Variants in DDAH1 observed in about 807,000 individuals in gnomAD.
DDAH1 encodes dimethylarginine dimethylaminohydrolase 1, also known as N(G),N(G)-dimethylarginine dimethylaminohydrolase 1.
In DDAH1, 19 loss-of-function variants were observed where a neutral mutation model predicts 28.8. The observed-to-expected ratio is 0.66, with a 90% CI of 0.46 to 0.97. The LOEUF (loss-of-function observed/expected upper bound fraction) is 0.97. Ranked by LOEUF, DDAH1 falls within the 50% of genes least tolerant of loss-of-function variation. The pLI, the probability that DDAH1 is intolerant of heterozygous loss-of-function variation, is 0.00. For synonymous variants in DDAH1, 153 were observed against 154.4 expected, an observed-to-expected ratio of 0.99 and a Z score of 0.07; for missense variants, 326 against 375.9, an observed-to-expected ratio of 0.87 and a Z score of 1.10.
chr1:85,380,993 T>C (rs1650954189), intron 1 of DDAH1, among the ~76,000 whole-genome samples: 1 of 152,072 alleles, frequency 6.6e-6, no homozygotes, highest in African/African-American at 2.4e-5. Flanking sequence ...TCCCAGCACT[T>C]TGGGAGGCCA....
intron 1 of DDAH1, among the ~76,000 whole-genome samples, chr1:85,527,324 G>A (rs565150751): frequency 6.7e-6 from 1 of 148,532 alleles, no homozygotes. Flanking sequence ...TTGTGCAGCG[G>A]TCTGGTCTCT....
chr1:85,426,856 G>A (rs1189302912), intron 1 of DDAH1, among the ~76,000 whole-genome samples: 1 of 141,940 alleles, frequency 7.0e-6, no homozygotes, highest in African/African-American at 2.6e-5. Flanking sequence ...AGGCTGCAGT[G>A]AGCCATAATG....
chr1:85,472,817 T>A (rs1345132285), intron 2 of DDAH1, among the ~76,000 whole-genome samples: 1 of 152,152 alleles, frequency 6.6e-6, no homozygotes, highest in African/African-American at 2.4e-5. Context: ...GAACCCATCA[T>A]CCAAGTAGTG....
intron 1 of DDAH1, among the ~76,000 whole-genome samples, chr1:85,537,379 C>T (rs1368370702): frequency 1.3e-5 from 2 of 150,612 alleles, no homozygotes; most frequent in Non-Finnish European, 3.0e-5. Context: ...CATGCAACAA[C>T]ATGAATGAAC....
At chr1:85,409,322 G>C (rs1557595096) in intron 1 of DDAH1, among the ~76,000 whole-genome samples, 1 of 152,132 alleles carries the variant, frequency 6.6e-6, no homozygotes, top group African/African-American at 2.4e-5. Flanking sequence ...CTAGTGTCTT[G>C]AACTGCTAAT....
chr1:85,372,493 A>T (rs1164255405), intron 1 of DDAH1, among the ~76,000 whole-genome samples: 1 of 152,176 alleles, frequency 6.6e-6, no homozygotes, highest in Non-Finnish European at 1.5e-5. Flanking sequence ...ACCAAGGAAA[A>T]CTAATTATCA....
In DDAH1 at chr1:85,574,885, C is replaced by T. The variant is rs866812345; in HGVS notation, c.-123+3099G>A. ...ACATGGTGAAAACCCATCTCTCTCT[C>T]TCTCTCTATATATATATATATGTAA... On this transcript the variant is annotated intron_variant, in intron 1 of 6. Transcript: ENST00000426972. Among the ~76,000 whole-genome samples the T allele has an allele frequency of 2.6e-5, 4 of 151,768 alleles. No homozygotes were observed. In the East Asian group the frequency reaches 7.8e-4, roughly 30 times the overall value.
At chr1:85,342,733 T>G (rs1298152642) in intron 4 of DDAH1, among the ~76,000 whole-genome samples, 1 of 152,194 alleles carries the variant, frequency 6.6e-6, no homozygotes, top group Non-Finnish European at 1.5e-5. Context: ...CTTCTTCAGG[T>G]GCACATTATT....
chr1:85,445,765 C>G (rs374789149), intron 1 of DDAH1, among the ~76,000 whole-genome samples: 6 of 152,184 alleles, frequency 3.9e-5, no homozygotes. Context: ...TACCACAATT[C>G]CCAGATAATT....
At chr1:85,563,135 C>T (rs140083865) in intron 1 of DDAH1, among the ~76,000 whole-genome samples, 494 of 152,232 alleles carry the variant, frequency 3.2e-3, no homozygotes, top group African/African-American at 0.012. Flanking sequence ...CTAGCAGTCT[C>T]CCTGGGTTGA....
chr1:85,332,544 C>T (rs1229221647), intron 4 of DDAH1, among the ~76,000 whole-genome samples: 1 of 152,190 alleles, frequency 6.6e-6, no homozygotes, highest in Non-Finnish European at 1.5e-5. Context: ...CCTTGTTCAC[C>T]ACAGCCTGGG....
At chr1:85,545,854 G>A (rs1658606584) in intron 1 of DDAH1, among the ~76,000 whole-genome samples, 1 of 152,080 alleles carries the variant, frequency 6.6e-6, no homozygotes, top group South Asian at 2.1e-4. Context: ...TTCTGAGGAG[G>A]CAAAAGTCTA....
intron 4 of DDAH1, among the ~76,000 whole-genome samples, chr1:85,337,940 G>A (rs1010803260): frequency 3.9e-5 from 6 of 152,168 alleles, no homozygotes; most frequent in African/African-American, 1.4e-4. Flanking sequence ...ATCCACACCA[G>A]TCACCGAACT....
At chr1:85,520,153 G>A (rs1272583156) in intron 1 of DDAH1, among the ~76,000 whole-genome samples, 2 of 151,980 alleles carry the variant, frequency 1.3e-5, no homozygotes, top group South Asian at 2.1e-4. Flanking sequence ...TTATGCCTTT[G>A]CATCCTCATA....
intron 1 of DDAH1, among the ~76,000 whole-genome samples, chr1:85,508,158 C>T (rs994114871): frequency 2.6e-5 from 4 of 152,170 alleles, no homozygotes; most frequent in African/African-American, 4.8e-5. Context: ...GCTTTGTAAC[C>T]GTGTGAATAA....
chr1:85,459,917 A>T (rs1655055423), intron 1 of DDAH1, among the ~76,000 whole-genome samples: 1 of 152,248 alleles, frequency 6.6e-6, no homozygotes. Context: ...ATGGGATTTA[A>T]GTAGTTATTC....
chr1:85,474,959 T>C (rs1187115656), intron 2 of DDAH1, among the ~76,000 whole-genome samples: 1 of 152,146 alleles, frequency 6.6e-6, no homozygotes, highest in East Asian at 1.9e-4. Context: ...TGCTTGACCT[T>C]TCTGAGCATA....
intron 2 of DDAH1, among the ~76,000 whole-genome samples, chr1:85,485,714 C>A (rs1399472887): frequency 6.6e-6 from 1 of 152,162 alleles, no homozygotes; most frequent in Non-Finnish European, 1.5e-5. Context: ...CACATTATAT[C>A]AATGGACGCA....
At chr1:85,527,140 G>A (rs1487458952) in intron 1 of DDAH1, among the ~76,000 whole-genome samples, 2 of 152,168 alleles carry the variant, frequency 1.3e-5, no homozygotes, top group Non-Finnish European at 2.9e-5. Context: ...CAACCTATGT[G>A]TAGCTTCACT....
Sources: gnomAD v4.1 joint callset for allele counts (sites outside exome capture counted in the v4.1 genomes callset) on GRCh38, gnomAD v4.1.1 for gene constraint, MANE v1.5 for transcripts, NCBI Gene and HGNC (gene_info 2026-07-23, HGNC 2026-07-21) for gene names.